Variants in DLC1 observed in about 807,000 individuals in gnomAD.
DLC1 encodes rho GTPase-activating protein 7.
In DLC1, 54 loss-of-function variants were observed where a neutral mutation model predicts 140.3. That is an observed-to-expected ratio of 0.38 (90% CI 0.31 to 0.48). The LOEUF (loss-of-function observed/expected upper bound fraction) is 0.48. DLC1 is among the 20% of genes least tolerant of loss of function. The pLI is 0.96. For missense variants in DLC1, 2,536 were observed against 1,907.0 expected (o/e 1.33, Z -6.14); for synonymous variants, 986 against 728.1 (o/e 1.35, Z -5.70).
At chr8:13,387,128 A>G (rs2117187257) in intron 4 of DLC1, among the ~76,000 whole-genome samples, 1 of 152,160 alleles carries the variant, frequency 6.6e-6, no homozygotes, top group African/African-American at 2.4e-5. Flanking sequence ...TTCCTTTAGT[A>G]TGTTGACTGT....
intron 4 of DLC1, among the ~76,000 whole-genome samples, chr8:13,372,831 C>T (rs1835789225): frequency 6.6e-6 from 1 of 151,886 alleles, no homozygotes; most frequent in South Asian, 2.1e-4. Flanking sequence ...ACAAATTTTC[C>T]AGAAATATAT....
chr8:13,351,112 T>A (rs1834640536), intron 4 of DLC1, among the ~76,000 whole-genome samples: 1 of 152,202 alleles, frequency 6.6e-6, no homozygotes, highest in African/African-American at 2.4e-5. Context: ...GTTTGTAAAT[T>A]GGCTTCAAAA....
At chr8:13,508,124 G>A (rs752298551) in intron 1 of DLC1, among the ~76,000 whole-genome samples, 46 of 152,132 alleles carry the variant, frequency 3.0e-4, no homozygotes, top group Non-Finnish European at 5.3e-4. Context: ...CTATTTTTAC[G>A]TCCAGGTTGC....
At chr8:13,485,807 AT>A (rs1379035345) in intron 2 of DLC1, among the ~76,000 whole-genome samples, 2 of 152,198 alleles carry the variant, frequency 1.3e-5, no homozygotes, top group African/African-American at 4.8e-5. Flanking sequence ...ATTTATTTCC[AT>A]TTTGAGTTGC....
In DLC1 at chr8:13,090,029, G is replaced by C. The variant is rs776054721; in HGVS notation, c.4074+223C>G. On this transcript the variant is annotated intron_variant, in intron 15 of 17. Coordinates refer to ENST00000276297, the MANE Select transcript of DLC1 (RefSeq NM_182643.3). Reference sequence around the variant, plus strand: ...GAGCCAAAGGAGTTCATTAGAAATAGTTGAAATCCTCTCCCAAGTGTTACA... The same window carrying C: ...GAGCCAAAGGAGTTCATTAGAAATACTTGAAATCCTCTCCCAAGTGTTACA... 6.6e-6 allele frequency among the ~76,000 whole-genome samples: 1 copy of C among 152,210 alleles called. No individual in the cohort carries two copies. Among genetic ancestry groups the C allele is most frequent in the Admixed American group, 6.5e-5 (1 of 15,282 alleles).
At chr8:13,366,757 A>G (rs1294576650) in intron 4 of DLC1, among the ~76,000 whole-genome samples, 1 of 152,146 alleles carries the variant, frequency 6.6e-6, no homozygotes, top group Non-Finnish European at 1.5e-5. Context: ...CCTCAGACAC[A>G]GGAAAGATCT....
At chr8:13,578,999 C>G (rs1255844837) in intron 1 of DLC1, among the ~76,000 whole-genome samples, 1 of 151,614 alleles carries the variant, frequency 6.6e-6, no homozygotes, top group Admixed American at 6.6e-5. Context: ...CAACCGGCTC[C>G]CATTCCGAGG....
At chr8:13,435,464 C>T (rs1839077132) in intron 2 of DLC1, among the ~76,000 whole-genome samples, 1 of 152,148 alleles carries the variant, frequency 6.6e-6, no homozygotes, top group Admixed American at 6.5e-5. Context: ...CAGGCATGCG[C>T]CTCCACACCT....
intron 2 of DLC1, among the ~76,000 whole-genome samples, chr8:13,465,400 G>C (rs1799886053): frequency 2.0e-5 from 3 of 152,100 alleles, no homozygotes; most frequent in Admixed American, 2.0e-4. Flanking sequence ...CCTGACTCTG[G>C]CACTTGGTGT....
rs538900523 is a variant in DLC1, at chr8:13,084,869, A to T, written c.*942T>A. Reference sequence around the variant, plus strand: ...CTGTTACAAACACAAAAATGCAAAGAATTCTAACAGGGAAAAAGTGTTGAT... The same window carrying T: ...CTGTTACAAACACAAAAATGCAAAGTATTCTAACAGGGAAAAAGTGTTGAT... On this transcript the variant is annotated 3_prime_UTR_variant, in exon 18 of 18. Transcript: ENST00000276297. 3.3e-5 allele frequency: 5 copies of T among 152,342 alleles called. No individual in the cohort carries two copies. In the South Asian group the frequency reaches 8.3e-4, roughly 25 times the overall value. The allele number at this position is 152,342 out of a possible 1,614,324, so 9.4% of individuals were successfully genotyped here. A position where few individuals can be genotyped will look rare whatever the true frequency, so the allele number is the denominator to read the frequency against.
intron 7 of DLC1, among the ~76,000 whole-genome samples, chr8:13,108,940 T>C (rs1819818050): frequency 6.6e-6 from 1 of 152,174 alleles, no homozygotes. Flanking sequence ...GTGAAGTTCT[T>C]GGAATTAGGT....
chr8:13,292,792 C>G (rs917376877), intron 5 of DLC1, among the ~76,000 whole-genome samples: 1 of 152,098 alleles, frequency 6.6e-6, no homozygotes, highest in Admixed American at 6.5e-5. Context: ...AATTGTGTCA[C>G]TCATTTTTTT....
In DLC1 at chr8:13,225,275, G is replaced by T. The variant is rs894584976; in HGVS notation, c.1348+79994C>A. Among the ~76,000 whole-genome samples, 3 of 152,164 alleles carry T rather than the reference G, an allele frequency of 2.0e-5. No individual in the cohort carries two copies. In the South Asian group the frequency reaches 6.2e-4, roughly 31 times the overall value. ...AGTGGCCCCAAAACACTTTCAAAAG[G>T]CTTCATTCTTTAGGCACTCAAAATT... On this transcript the variant is annotated intron_variant, in intron 5 of 17. Transcript: ENST00000276297.
intron 5 of DLC1, among the ~76,000 whole-genome samples, chr8:13,147,267 A>G (rs1396094557): frequency 6.6e-6 from 1 of 152,218 alleles, no homozygotes; most frequent in African/African-American, 2.4e-5. Flanking sequence ...AATCTCCACT[A>G]CAAAACTGAA....
chr8:13,242,436 C>G (rs1448179281), intron 5 of DLC1, among the ~76,000 whole-genome samples: 2 of 151,664 alleles, frequency 1.3e-5, no homozygotes, highest in East Asian at 3.9e-4. Context: ...CTCTCTGTTG[C>G]CCAGGCTGGA....
chr8:13,163,428 G>C (rs997105842), intron 5 of DLC1, among the ~76,000 whole-genome samples: 1 of 152,026 alleles, frequency 6.6e-6, no homozygotes, highest in African/African-American at 2.4e-5. Context: ...CCTGTTCTAG[G>C]GTTCCCAGGC....
rs150644629 is a variant in DLC1 at position 13,452,702 on chromosome 8, A to G, written c.1023+46347T>C. 1.1e-4 allele frequency among the ~76,000 whole-genome samples: 17 copies of G among 152,090 alleles called. No individual in the cohort carries two copies. The East Asian group carries it at 2.3e-3, about 21-fold the overall frequency. ...GCAAAAATATTAACCAAAACTTGCAATTTTGCTACCCCCCTGATTAATCCA... is the reference window on the plus strand; with the variant it reads ...GCAAAAATATTAACCAAAACTTGCAGTTTTGCTACCCCCCTGATTAATCCA... On this transcript the variant is annotated intron_variant, in intron 2 of 17. Coordinates refer to ENST00000276297, the MANE Select transcript of DLC1 (RefSeq NM_182643.3).
chr8:13,462,971 A>G (rs1040398604), intron 2 of DLC1, among the ~76,000 whole-genome samples: 1 of 152,206 alleles, frequency 6.6e-6, no homozygotes, highest in Admixed American at 6.5e-5. Context: ...AAAATAAATC[A>G]GAAGTAACTG....
At chr8:13,583,923 A>G (rs1260196585) in intron 1 of DLC1, 4 of 152,270 alleles carry the variant, frequency 2.6e-5, no homozygotes, top group Non-Finnish European at 4.4e-5. Flanking sequence ...ACTGGATGAC[A>G]TCCTGGACAG....
Sources: gnomAD v4.1 joint callset for allele counts (sites outside exome capture counted in the v4.1 genomes callset) on GRCh38, gnomAD v4.1.1 for gene constraint, MANE v1.5 for transcripts, NCBI Gene and HGNC (gene_info 2026-07-23, HGNC 2026-07-21) for gene names.